Variants in MOB1A observed in about 807,000 individuals in gnomAD.
The protein encoded by MOB1A is MOB kinase activator 1A, also known as MOB1 Mps One Binder homolog A.
In MOB1A, 10 loss-of-function variants were observed where a neutral mutation model predicts 25.1. That is an observed-to-expected ratio of 0.40 (90% CI 0.25 to 0.68). The LOEUF is 0.68. Among genes scored for constraint, MOB1A ranks in the 30% least tolerant of loss-of-function variants. MOB1A has a pLI of 0.40. For synonymous variants in MOB1A, 81 were observed against 79.5 expected, an observed-to-expected ratio of 1.02 and a Z score of -0.10; for missense variants, 177 against 256.3, an observed-to-expected ratio of 0.69 and a Z score of 2.11.
rs184330848 is a variant in MOB1A at position 74,175,750 on chromosome 2, C to T, written c.14+2911G>A. 2.2e-3 allele frequency among the ~76,000 whole-genome samples: 339 copies of T among 152,204 alleles called. 4 individuals carry two copies. The highest frequency in any genetic ancestry group is 2.3e-3 in the East Asian group (12 of 5,182). ...AGTTAAGAAAACCAGACAGAGTACA[C>T]GTATTCACAGGGAAAGATCTAATAC... On this transcript the variant is annotated intron_variant, in intron 1 of 5. Coordinates refer to ENST00000396049, the MANE Select transcript of MOB1A (RefSeq NM_018221.5).
intron 4 of MOB1A, chr2:74,164,927 C>G (rs1572959028): frequency 5.6e-6 from 1 of 179,134 alleles, no homozygotes; most frequent in Admixed American, 6.2e-5. Context: ...CAAACACAAA[C>G]AGGGCTGGGG....
At position 74,161,574 on chromosome 2, in the gene MOB1A, G is replaced by A. The variant is rs775050461; in HGVS notation, c.410-2320C>T. 3.3e-5 allele frequency among the ~76,000 whole-genome samples: 5 copies of A among 151,744 alleles called. No homozygotes were observed. The East Asian group carries it at 5.8e-4, about 18-fold the overall frequency. On this transcript the variant is annotated intron_variant, in intron 4 of 5. Transcript: ENST00000396049. ...GAGAATGGCAGAATGGCGTGAACCC[G>A]GGAGGCGGAGCTTGCAGTGTGCTGA...
Position 74,152,651 on chromosome 2 carries a change from T to G in MOB1A, c.*3917A>C, listed in dbSNP as rs991939713. 9 of 152,154 alleles carry G rather than the reference T, an allele frequency of 5.9e-5. No homozygotes were observed. The highest frequency in any genetic ancestry group is 2.6e-4 in the Admixed American group (4 of 15,260). 9.4% of individuals were successfully genotyped at this position (152,154 alleles called of 1,614,324 possible). ...AGTTACAAAAGTAGATACAAAATAC[T>G]TTTTTTAGAAGTACAGTTAACTGAC... On this transcript the variant is annotated 3_prime_UTR_variant, in exon 6 of 6. Transcript: ENST00000396049.
At chr2:74,165,409 T>C (rs1244412777) in intron 3 of MOB1A, 58 bp from the exon 4 acceptor site, 4 of 1,128,878 alleles carry the variant, frequency 3.5e-6, no homozygotes, top group African/African-American at 3.2e-5. Context: ...AATGTGCAAG[T>C]TGTGATTAAA....
chr2:74,177,182 C>T (rs778544407), intron 1 of MOB1A, among the ~76,000 whole-genome samples: 10 of 151,102 alleles, frequency 6.6e-5, no homozygotes, highest in South Asian at 4.2e-4. Context: ...GTGTGGTGGC[C>T]GGCGCCTGTA....
chr2:74,172,634 C>G lies in MOB1A; in HGVS notation c.133G>C (p.Val45Leu). The change falls in exon 2 of 6, where the codon GTT (valine) becomes CTT (leucine). Residue 45 changes from valine (V) to leucine (L), a missense_variant. Coordinates refer to ENST00000396049, the MANE Select transcript of MOB1A (RefSeq NM_018221.5). Reference protein sequence around the residue: ...TLGSGNLRQAVMLPEGEDLNE... With the variant: ...TLGSGNLRQALMLPEGEDLNE... The stretch of plus-strand genomic sequence containing the variant: ...AGATCCTCTCCCTCAGGCAACATAA[C>G]AGCTTGTCTCAGATTCCCACTTCCT... The G allele has an allele frequency of 6.2e-7, 1 of 1,613,930 alleles. No homozygotes were observed. The highest frequency in any genetic ancestry group is 8.5e-7 in the Non-Finnish European group (1 of 1,179,850).
chr2:74,162,699 A>C (rs1006937321), intron 4 of MOB1A, among the ~76,000 whole-genome samples: 1 of 152,154 alleles, frequency 6.6e-6, no homozygotes, highest in Admixed American at 6.6e-5. Flanking sequence ...ACCAACAACA[A>C]ACAGACCAAA....
chr2:74,159,728 T>C (rs1328392528), intron 4 of MOB1A, among the ~76,000 whole-genome samples: 2 of 152,206 alleles, frequency 1.3e-5, no homozygotes, highest in Non-Finnish European at 2.9e-5. Context: ...CACACTTTTT[T>C]CTGACTGCCT....
At chr2:74,173,152 C>T (rs1279113724) in intron 1 of MOB1A, 1 of 513,924 alleles carries the variant, frequency 1.9e-6, no homozygotes, top group African/African-American at 1.9e-5. Flanking sequence ...AACAAAAACA[C>T]TCTCTGAAAA....
At chr2:74,175,150 C>T (rs1667600) in intron 1 of MOB1A, among the ~76,000 whole-genome samples, 95,272 of 152,042 alleles carry the variant, frequency 0.63, 31,166 homozygotes, top group African/African-American at 0.82. Flanking sequence ...GTGAACACTA[C>T]TGTGAACTGT....
At chr2:74,159,957 C>T (rs1692918928) in intron 4 of MOB1A, among the ~76,000 whole-genome samples, 1 of 152,010 alleles carries the variant, frequency 6.6e-6, no homozygotes, top group South Asian at 2.1e-4. Context: ...GCTGGGACTA[C>T]AGGCGTGCAC....
At chr2:74,177,965 T>C (rs563493869) in intron 1 of MOB1A, 9 of 152,348 alleles carry the variant, frequency 5.9e-5, no homozygotes, top group African/African-American at 2.2e-4. Flanking sequence ...ATCAAGTTAA[T>C]TGCTGTAGTG....
At chr2:74,172,059 G>C (rs1442220663) in intron 2 of MOB1A, among the ~76,000 whole-genome samples, 1 of 152,034 alleles carries the variant, frequency 6.6e-6, no homozygotes, top group Non-Finnish European at 1.5e-5. Context: ...TCTAGCCTTA[G>C]CATATTGTCC....
At position 74,153,698 on chromosome 2, in the gene MOB1A, C is replaced by A. The variant is rs1222106261; in HGVS notation, c.*2870G>T. 4 of 152,208 alleles carry A rather than the reference C, an allele frequency of 2.6e-5. No individual in the cohort carries two copies. The highest frequency in any genetic ancestry group is 2.6e-4 in the Admixed American group (4 of 15,278). 9.4% of individuals were successfully genotyped at this position (152,208 alleles called of 1,614,324 possible). ...GAAAATTAAAGCACCATAGGATTAACTGCATAATTTAGCAAGCACTCTCTA... is the reference window on the plus strand; with the variant it reads ...GAAAATTAAAGCACCATAGGATTAAATGCATAATTTAGCAAGCACTCTCTA... On this transcript the variant is annotated 3_prime_UTR_variant, in exon 6 of 6. Coordinates refer to ENST00000396049, the MANE Select transcript of MOB1A (RefSeq NM_018221.5).
intron 1 of MOB1A, among the ~76,000 whole-genome samples, chr2:74,177,072 G>A (rs930325487): frequency 6.6e-6 from 1 of 152,114 alleles, no homozygotes; most frequent in African/African-American, 2.4e-5. Flanking sequence ...AGAAAGTCTC[G>A]GCCGAGTGCG....
intron 2 of MOB1A, among the ~76,000 whole-genome samples, chr2:74,169,945 A>C (rs1238565610): frequency 6.6e-6 from 1 of 151,858 alleles, no homozygotes; most frequent in Non-Finnish European, 1.5e-5. Context: ...TTACTTTTTT[A>C]ATTAACACAG....
intron 1 of MOB1A, among the ~76,000 whole-genome samples, chr2:74,177,196 C>G (rs1390783126): frequency 6.6e-6 from 1 of 151,872 alleles, no homozygotes; most frequent in Non-Finnish European, 1.5e-5. Flanking sequence ...GCCTGTAATC[C>G]CAGCTACTCG....
intron 1 of MOB1A, among the ~76,000 whole-genome samples, chr2:74,173,731 A>G (rs1693368103): frequency 6.7e-6 from 1 of 148,624 alleles, no homozygotes; most frequent in African/African-American, 2.5e-5. Flanking sequence ...CGGGTGGATC[A>G]CGAGGTCAGG....
chr2:74,177,131 G>T (rs1339832456), intron 1 of MOB1A, among the ~76,000 whole-genome samples: 4 of 152,032 alleles, frequency 2.6e-5, no homozygotes, highest in Non-Finnish European at 4.4e-5. Context: ...TGGCCAACAT[G>T]ATGAAACCCA....
Sources: allele counts gnomAD v4.1 joint callset (sites outside exome capture counted in the v4.1 genomes callset), GRCh38; gene constraint gnomAD v4.1.1; transcripts MANE v1.5; gene names NCBI Gene and HGNC (gene_info 2026-07-23, HGNC 2026-07-21).